The following CATSPERE variants were observed in gnomAD, a reference collection of about 807,000 sequenced individuals.
The protein encoded by CATSPERE is catsper channel auxiliary subunit epsilon.
A neutral mutation model predicts 114.1 loss-of-function variants in CATSPERE; 93 were observed. The observed-to-expected ratio is 0.81, with a 90% CI of 0.69 to 0.97. CATSPERE has a LOEUF of 0.97. CATSPERE is among the 50% of genes least tolerant of loss of function. The pLI, the probability that CATSPERE is intolerant of heterozygous loss-of-function variation, is 0.00. For missense variants in CATSPERE, 1,058 were observed against 1,131.6 expected, an observed-to-expected ratio of 0.93 and a Z score of 0.93; for synonymous variants, 341 against 384.1, an observed-to-expected ratio of 0.89 and a Z score of 1.31.
Position 244,577,739 on chromosome 1 carries a change from G to T in CATSPERE, c.1951-4057G>T, listed in dbSNP as rs529248214. 3.9e-5 allele frequency among the ~76,000 whole-genome samples: 6 copies of T among 152,276 alleles called. No homozygotes were observed. The South Asian group carries it at 1.2e-3, about 32-fold the overall frequency. On this transcript the variant is annotated intron_variant, in intron 11 of 21. Transcript: ENST00000366534. ...TCCAATACTATCATGTTGGTGATCA[G>T]GTTTTAACACATAAGTTTTAGAGGA...
intron 19 of CATSPERE, among the ~76,000 whole-genome samples, chr1:244,611,115 A>G (rs560738564): frequency 6.6e-6 from 1 of 152,300 alleles, no homozygotes; most frequent in South Asian, 2.1e-4. Flanking sequence ...CACATTACAT[A>G]GCCTACTTTC....
intron 9 of CATSPERE, 48 bp downstream of exon 9, chr1:244,552,862 A>G: frequency 9.9e-7 from 1 of 1,006,792 alleles, no homozygotes; most frequent in Non-Finnish European, 1.3e-6. Flanking sequence ...ATATTTTACA[A>G]AGGTATTTAC....
At chr1:244,616,492 G>A (rs974803370) in intron 19 of CATSPERE, among the ~76,000 whole-genome samples, 13 of 152,210 alleles carry the variant, frequency 8.5e-5, no homozygotes, top group African/African-American at 2.2e-4. Flanking sequence ...ATTCTGGAGG[G>A]TGGGAAGTCC....
intron 19 of CATSPERE, among the ~76,000 whole-genome samples, chr1:244,614,557 G>C (rs995674783): frequency 1.3e-5 from 2 of 152,152 alleles, no homozygotes; most frequent in African/African-American, 4.8e-5. Context: ...TGTCCGAGTC[G>C]AGCGGGAACA....
At chr1:244,636,107 G>A (rs1402736677) in intron 21 of CATSPERE, among the ~76,000 whole-genome samples, 4 of 152,188 alleles carry the variant, frequency 2.6e-5, no homozygotes, top group East Asian at 3.9e-4. Flanking sequence ...CTAAGCCTGG[G>A]TCAGCTTTCA....
chr1:244,593,703 C>A (rs947299869), intron 17 of CATSPERE, 125 bp downstream of exon 17: 35 of 779,050 alleles, frequency 4.5e-5, no homozygotes, highest in Non-Finnish European at 6.7e-5. Flanking sequence ...ATATGCGAGA[C>A]TTGGTTTTCA....
chr1:244,513,618 T>C (rs796212438), intron 7 of CATSPERE, among the ~76,000 whole-genome samples: 20 of 152,214 alleles, frequency 1.3e-4, no homozygotes, highest in African/African-American at 4.3e-4. Context: ...CAGTGGTGCA[T>C]GTGGGTGCCG....
chr1:244,464,678 T>A (rs1054072768), intron 2 of CATSPERE, among the ~76,000 whole-genome samples: 1 of 148,416 alleles, frequency 6.7e-6, no homozygotes, highest in African/African-American at 2.5e-5. Flanking sequence ...AAATTTCCTA[T>A]TTTTTTTTTA....
intron 7 of CATSPERE, among the ~76,000 whole-genome samples, chr1:244,513,965 G>A (rs988273288): frequency 6.6e-6 from 1 of 152,102 alleles, no homozygotes; most frequent in Non-Finnish European, 1.5e-5. Context: ...TATTGCTCAG[G>A]TTTAAGTTTT....
rs1444194361 is a variant in CATSPERE at position 244,621,139 on chromosome 1, A to G, written c.2648+3453A>G. ...ATAATATATATATAAATATATATAA[A>G]ATATATATATTATAAAATATATATA... On this transcript the variant is annotated intron_variant, in intron 20 of 21. Transcript: ENST00000366534. Among the ~76,000 whole-genome samples the G allele has an allele frequency of 3.6e-4, 16 of 43,986 alleles. 2 individuals carry two copies. The highest frequency in any genetic ancestry group is 2.0e-3 in the South Asian group (3 of 1,536). 28.9% of individuals were successfully genotyped at this position (43,986 alleles called of 152,430 possible).
At chr1:244,524,940 A>G (rs1440771963) in intron 8 of CATSPERE, among the ~76,000 whole-genome samples, 2 of 147,266 alleles carry the variant, frequency 1.4e-5, no homozygotes, top group East Asian at 1.9e-4. Flanking sequence ...GCGGTTCCTC[A>G]GGGATCTAGA....
intron 21 of CATSPERE, among the ~76,000 whole-genome samples, chr1:244,636,911 T>C (rs1325067145): frequency 3.9e-5 from 6 of 152,144 alleles, no homozygotes; most frequent in Admixed American, 6.5e-5. Context: ...TCCTTGCTCC[T>C]AGTCCAGCAC....
chr1:244,535,326 T>A (rs1430484401), intron 8 of CATSPERE, among the ~76,000 whole-genome samples: 1 of 152,198 alleles, frequency 6.6e-6, no homozygotes, highest in African/African-American at 2.4e-5. Flanking sequence ...CAGCCAGTCT[T>A]GTGTCTTTCC....
chr1:244,468,124 C>T (rs1208403080), intron 2 of CATSPERE, among the ~76,000 whole-genome samples: 2 of 149,964 alleles, frequency 1.3e-5, no homozygotes, highest in African/African-American at 2.5e-5. Context: ...GACAAAATCT[C>T]GCTCTGTCAC....
At chr1:244,535,121 C>T (rs923906452) in intron 8 of CATSPERE, among the ~76,000 whole-genome samples, 1 of 152,224 alleles carries the variant, frequency 6.6e-6, no homozygotes, top group Non-Finnish European at 1.5e-5. Flanking sequence ...GAATCTCTCT[C>T]TCTCTCTCAG....
chr1:244,593,503 T>G lies in CATSPERE; in HGVS notation c.2228T>G (p.Val743Gly), dbSNP rs2148649282. ...AAAGTAGTTTTCCTTTTCTAGAGAG[T>G]AAGGTATATTTGGGGAGAATATGGC... is the stretch of plus-strand genomic sequence containing the variant. ...LRHQPSKNLR[V>G]RYIWGEYGCP... The change falls in exon 17 of 22, where the codon GTA (valine) becomes GGA (glycine). Residue 743 changes from valine to glycine, a missense_variant. Physicochemically the swap from Val to Gly is moderately radical, Grantham distance 109 (BLOSUM62 -3). Around this residue, in one of 2 missense-constraint regions of CATSPERE, gnomAD observed 787 missense variants for 905.6 expected, o/e 0.87. Coordinates refer to ENST00000366534, the MANE Select transcript of CATSPERE (RefSeq NM_001130957.2). The G allele has an allele frequency of 6.2e-7, 1 of 1,613,796 alleles. No homozygotes were observed. Among genetic ancestry groups the G allele is most frequent in the East Asian group, 2.2e-5 (1 of 44,868 alleles).
intron 21 of CATSPERE, among the ~76,000 whole-genome samples, chr1:244,638,084 C>A (rs1674859880): frequency 6.6e-6 from 1 of 152,208 alleles, no homozygotes; most frequent in Non-Finnish European, 1.5e-5. Context: ...ATTCAACTTT[C>A]CCTTTCAACT....
intron 14 of CATSPERE, 26 bp downstream of exon 14, chr1:244,588,560 G>A (rs201237604): frequency 1.3e-6 from 2 of 1,553,642 alleles, no homozygotes; most frequent in East Asian, 2.2e-5. Flanking sequence ...TTTGACCTGT[G>A]TTACTCTTTA....
intron 7 of CATSPERE, among the ~76,000 whole-genome samples, chr1:244,517,097 G>A (rs1676764710): frequency 6.6e-6 from 1 of 151,956 alleles, no homozygotes; most frequent in Non-Finnish European, 1.5e-5. Flanking sequence ...CCTGTACTTG[G>A]TAAATCTGAA....
Sources: gnomAD v4.1 joint callset for allele counts (sites outside exome capture counted in the v4.1 genomes callset) on GRCh38, gnomAD v4.1.1 for gene constraint, gnomAD v4.1.1 regional missense constraint, MANE v1.5 for transcripts, NCBI Gene and HGNC (gene_info 2026-07-23, HGNC 2026-07-21) for gene names.